The following EGFLAM variants were observed in gnomAD, a reference collection of about 807,000 sequenced individuals.
EGFLAM encodes pikachurin.
In EGFLAM, 79 loss-of-function variants were observed where a neutral mutation model predicts 113.1. That is an observed-to-expected ratio of 0.70 (90% CI 0.58 to 0.84). The LOEUF (loss-of-function observed/expected upper bound fraction) is 0.84. Among genes scored for constraint, EGFLAM ranks in the 40% least tolerant of loss-of-function variants. The probability of loss-of-function intolerance (pLI) is 0.00; values close to 1 mark genes in which losing one functional copy is unlikely to be tolerated. For missense variants in EGFLAM, 1,265 were observed against 1,291.6 expected (o/e 0.98, Z 0.32); for synonymous variants, 504 against 487.6 (o/e 1.03, Z -0.44).
At chr5:38,344,598 A>C (rs925946993) in intron 3 of EGFLAM, among the ~76,000 whole-genome samples, 1 of 152,160 alleles carries the variant, frequency 6.6e-6, no homozygotes, top group Non-Finnish European at 1.5e-5. Flanking sequence ...CTAACAGGCC[A>C]GAAACTCAAA....
chr5:38,286,818 C>T (rs535200300), intron 1 of EGFLAM, among the ~76,000 whole-genome samples: 12 of 152,166 alleles, frequency 7.9e-5, no homozygotes, highest in Admixed American at 1.3e-4. Context: ...TCCTGAATAG[C>T]GACTTTGCGT....
At chr5:38,445,420 C>A in intron 17 of EGFLAM, 1 of 1,313,254 alleles carries the variant, frequency 7.6e-7, no homozygotes, top group Non-Finnish European at 9.9e-7. Context: ...CTTGGTCCAC[C>A]GCCACGCCCA....
rs1211678049 is a variant in EGFLAM, at chr5:38,258,687, C to G, written c.-68C>G. 1 of 1,527,254 alleles carries G rather than the reference C, an allele frequency of 6.5e-7. No individual in the cohort carries two copies. The highest frequency in any genetic ancestry group is 8.9e-7 in the Non-Finnish European group (1 of 1,123,546). 94.6% of individuals were successfully genotyped at this position (1,527,254 alleles called of 1,614,324 possible). A position where few individuals can be genotyped will look rare whatever the true frequency, so the allele number is the denominator to read the frequency against. ...ATCCGTTGGGGCCGCGTCCCCCACG[C>G]GCCCCCGGAGACGCCCTTTCCGTGT... On this transcript the variant is annotated 5_prime_UTR_variant, in exon 1 of 22. Transcript: ENST00000322350.
intron 1 of EGFLAM, among the ~76,000 whole-genome samples, chr5:38,260,188 A>T (rs1324916256): frequency 6.6e-6 from 1 of 152,210 alleles, no homozygotes; most frequent in Non-Finnish European, 1.5e-5. Context: ...ACCTTCAAGG[A>T]TTTCAGTGAA....
chr5:38,440,453 A>C (rs1024882789), intron 17 of EGFLAM, among the ~76,000 whole-genome samples: 2 of 152,204 alleles, frequency 1.3e-5, no homozygotes, highest in African/African-American at 2.4e-5. Context: ...GGCAGTTGCC[A>C]TGCCGACTGC....
At chr5:38,282,871 GTCT>G (rs978868989) in intron 1 of EGFLAM, among the ~76,000 whole-genome samples, 4 of 152,076 alleles carry the variant, frequency 2.6e-5, no homozygotes, top group Non-Finnish European at 5.9e-5. Context: ...CTGAGACAAG[GTCT>G]TCTTCTGTCA....
chr5:38,260,667 A>G (rs1405247277), intron 1 of EGFLAM, among the ~76,000 whole-genome samples: 1 of 152,226 alleles, frequency 6.6e-6, no homozygotes. Flanking sequence ...ACTAGGTTCA[A>G]CCTAGAAGAG....
intron 16 of EGFLAM, among the ~76,000 whole-genome samples, chr5:38,437,979 G>A (rs562241607): frequency 1.1e-3 from 162 of 151,518 alleles, no homozygotes; most frequent in Non-Finnish European, 1.9e-3. Flanking sequence ...AAAATTAGCC[G>A]GGCGTAGTGG....
At chr5:38,308,001 T>C (rs1043802052) in intron 1 of EGFLAM, among the ~76,000 whole-genome samples, 1 of 152,238 alleles carries the variant, frequency 6.6e-6, no homozygotes, top group African/African-American at 2.4e-5. Flanking sequence ...TTCCAGCTTC[T>C]GGGGAAGGCC....
intron 6 of EGFLAM, among the ~76,000 whole-genome samples, chr5:38,397,197 T>G (rs1236223487): frequency 1.3e-5 from 2 of 152,198 alleles, no homozygotes; most frequent in African/African-American, 4.8e-5. Flanking sequence ...GGCCAGTACT[T>G]AGAGCTACTT....
chr5:38,453,832 C>A (rs1742999545), intron 19 of EGFLAM, among the ~76,000 whole-genome samples: 1 of 152,148 alleles, frequency 6.6e-6, no homozygotes, highest in Non-Finnish European at 1.5e-5. Context: ...AATCTATTCA[C>A]CACCCATTCT....
At chr5:38,296,814 A>G (rs1015289525) in intron 1 of EGFLAM, among the ~76,000 whole-genome samples, 1 of 152,102 alleles carries the variant, frequency 6.6e-6, no homozygotes, top group African/African-American at 2.4e-5. Context: ...TCCAGTGACT[A>G]GGATTAACAT....
Position 38,458,242 on chromosome 5 carries a change from G to A in EGFLAM, c.2688-69G>A. ...AGAACTTTTGCCCTGAGAATCGTCT[G>A]TGAACCGTGTCTGCTTATGCCTCAG... On this transcript the variant is annotated intron_variant, in intron 19 of 21. Transcript: ENST00000322350. 3 of 1,436,274 alleles carry A rather than the reference G, an allele frequency of 2.1e-6. No homozygotes were observed. In the East Asian group the frequency reaches 7.2e-5, roughly 34 times the overall value. 89.0% of individuals were successfully genotyped at this position (1,436,274 alleles called of 1,614,324 possible). A position where few individuals can be genotyped will look rare whatever the true frequency, so the allele number is the denominator to read the frequency against.
chr5:38,356,726 G>A (rs79202258), intron 5 of EGFLAM, among the ~76,000 whole-genome samples: 10,619 of 152,212 alleles, frequency 0.07, 428 homozygotes, highest in South Asian at 0.12. Flanking sequence ...GCTTGTTGCA[G>A]CATTTAATGT....
intron 5 of EGFLAM, among the ~76,000 whole-genome samples, chr5:38,354,616 C>T (rs1400860745): frequency 6.6e-6 from 1 of 151,816 alleles, no homozygotes; most frequent in Non-Finnish European, 1.5e-5. Context: ...TGTAATCCCA[C>T]CTACTCAGGA....
At chr5:38,306,042 G>A (rs1249555230) in intron 1 of EGFLAM, among the ~76,000 whole-genome samples, 1 of 152,316 alleles carries the variant, frequency 6.6e-6, no homozygotes, top group Non-Finnish European at 1.5e-5. Flanking sequence ...GACTGAGTGG[G>A]TGACCATGGT....
intron 1 of EGFLAM, among the ~76,000 whole-genome samples, chr5:38,319,230 G>A (rs547892892): frequency 1.3e-5 from 2 of 152,112 alleles, no homozygotes; most frequent in Non-Finnish European, 2.9e-5. Context: ...TGGAACCTGA[G>A]CCTGGTCCCA....
intron 17 of EGFLAM, among the ~76,000 whole-genome samples, chr5:38,442,566 A>G (rs2468543): frequency 0.15 from 23,431 of 152,090 alleles, 1,886 homozygotes; most frequent in African/African-American, 0.18. Flanking sequence ...CGTTTATCTT[A>G]CAGATGAATT....
intron 1 of EGFLAM, chr5:38,282,183 T>G (rs1254592280): frequency 6.6e-6 from 1 of 152,240 alleles, no homozygotes; most frequent in African/African-American, 2.4e-5. Flanking sequence ...TGATTATTAG[T>G]CAAACTAAAA....
Sources: allele counts gnomAD v4.1 joint callset (sites outside exome capture counted in the v4.1 genomes callset), GRCh38; gene constraint gnomAD v4.1.1; transcripts MANE v1.5; gene names NCBI Gene and HGNC (gene_info 2026-07-23, HGNC 2026-07-21).